The following MYOM1 variants were observed in gnomAD, a reference collection of about 807,000 sequenced individuals.
MYOM1 encodes myomesin-1.
MYOM1 carries 164 observed loss-of-function variants against 205.3 expected under a neutral mutation model. That is an observed-to-expected ratio of 0.80 (90% CI 0.70 to 0.91). MYOM1 has a LOEUF of 0.91. Among genes scored for constraint, MYOM1 ranks in the 40% least tolerant of loss-of-function variants. The pLI is 0.00. For synonymous variants in MYOM1, 772 were observed against 789.4 expected (o/e 0.98, Z 0.37); for missense variants, 2,011 against 2,127.3 (o/e 0.95, Z 1.08).
intron 23 of MYOM1, among the ~76,000 whole-genome samples, chr18:3,102,161 C>T (rs2143761224): frequency 6.6e-6 from 1 of 151,768 alleles, no homozygotes. Context: ...ACCACCACAC[C>T]CGGCTAATTT....
chr18:3,177,013 G>A (rs867097539), intron 5 of MYOM1, among the ~76,000 whole-genome samples: 3 of 152,186 alleles, frequency 2.0e-5, no homozygotes, highest in Admixed American at 1.3e-4. Flanking sequence ...TTGGGAGGCT[G>A]AAGTGGAAGA....
At chr18:3,070,242 G>GATTACA (rs1161913843) in intron 37 of MYOM1, among the ~76,000 whole-genome samples, 5 of 152,144 alleles carry the variant, frequency 3.3e-5, no homozygotes, top group African/African-American at 1.2e-4. Flanking sequence ...TTGACCTCCT[G>GATTACA]GGCTCAGGCG....
At chr18:3,234,739 T>C in the MYOM1 span, among the ~76,000 whole-genome samples, 46 of 152,262 alleles carry the variant, frequency 3.0e-4, no homozygotes, top group Non-Finnish European at 5.9e-4. Context: ...ACACTCCCTT[T>C]TTTTCTGGCA....
Position 3,149,198 on chromosome 18 carries a change from C to A in MYOM1, c.1847G>T (p.Arg616Leu), listed in dbSNP as rs183893490. 2 of 1,611,144 alleles carry A rather than the reference C, an allele frequency of 1.2e-6. No homozygotes were observed. Among genetic ancestry groups the A allele is most frequent in the South Asian group, 2.2e-5 (2 of 90,366 alleles). Reference sequence around the variant, plus strand: ...CTGTCCAGTCCAGGGTGCTGAGGGGCGACCTGAATAAAGACAAATATAAGA... The same window carrying A: ...CTGTCCAGTCCAGGGTGCTGAGGGGAGACCTGAATAAAGACAAATATAAGA... ...DPAEKARLKSRPSAPWTGQII... is the reference protein window; with the variant it reads ...DPAEKARLKSLPSAPWTGQII... The change falls in exon 13 of 38, where the codon CGC becomes CTC. Residue 616 changes from arginine to leucine, a missense_variant. Coordinates refer to ENST00000356443, the MANE Select transcript of MYOM1 (RefSeq NM_003803.4).
chr18:3,102,033 G>C (rs982545413), intron 23 of MYOM1, among the ~76,000 whole-genome samples: 1 of 127,682 alleles, frequency 7.8e-6, no homozygotes, highest in African/African-American at 3.1e-5. Flanking sequence ...ACAGAGTCTG[G>C]CTCTGTTGCC....
chr18:3,104,605 A>G (rs2079425727), intron 22 of MYOM1, among the ~76,000 whole-genome samples: 1 of 152,186 alleles, frequency 6.6e-6, no homozygotes, highest in South Asian at 2.1e-4. Flanking sequence ...AATGCTGTAG[A>G]TAACTTTTGT....
At position 3,083,869 on chromosome 18, in the gene MYOM1, G is replaced by C; in HGVS notation, c.4404C>G (p.Ile1468Met). ...GTTGGATGCCCTCGGCTGTGCTCTG[G>C]ATTTTCAGGTCTGTAGCAGACAAAG... ...KIALSATDLK[I>M]QSTAEGIQLY... is the part of the protein sequence containing the mutation. The change falls in exon 33 of 38, where the codon ATC becomes ATG. Residue 1468 changes from isoleucine to methionine, a missense_variant. Transcript: ENST00000356443. 1.3e-6 allele frequency: 2 copies of C among 1,582,940 alleles called. No homozygotes were observed. The highest frequency in any genetic ancestry group is 1.7e-6 in the Non-Finnish European group (2 of 1,163,112).
chr18:3,187,895 A>T (rs1313982221), intron 4 of MYOM1, among the ~76,000 whole-genome samples: 16 of 139,124 alleles, frequency 1.2e-4, no homozygotes, highest in African/African-American at 4.4e-4. Context: ...ACTGGAGTGC[A>T]CTGGTGCAAC....
At chr18:3,130,116 C>T (rs751797579) in intron 17 of MYOM1, among the ~76,000 whole-genome samples, 4 of 151,526 alleles carry the variant, frequency 2.6e-5, no homozygotes, top group Admixed American at 6.6e-5. Flanking sequence ...AATCTCGGCT[C>T]ACTGCAACCT....
chr18:3,116,302 G>T, intron 21 of MYOM1, 29 bp downstream of exon 21: 1 of 1,601,634 alleles, frequency 6.2e-7, no homozygotes, highest in East Asian at 2.2e-5. Context: ...AGTTAGTAGA[G>T]GAAGCTCTAG....
At chr18:3,146,785 G>T (rs2080128949) in intron 13 of MYOM1, among the ~76,000 whole-genome samples, 1 of 151,738 alleles carries the variant, frequency 6.6e-6, no homozygotes, top group Admixed American at 6.6e-5. Context: ...GAAAGAAAAA[G>T]AAATAAAAGG....
chr18:3,107,436 G>A (rs2079466735), intron 22 of MYOM1, among the ~76,000 whole-genome samples: 1 of 152,130 alleles, frequency 6.6e-6, no homozygotes, highest in Non-Finnish European at 1.5e-5. Flanking sequence ...AATTAAAACT[G>A]GCTAAGAGGA....
chr18:3,197,696 A>C lies in MYOM1; in HGVS notation c.291-3738T>G, dbSNP rs181651352. 3.5e-4 allele frequency among the ~76,000 whole-genome samples: 53 copies of C among 151,572 alleles called. No homozygotes were observed. In the East Asian group the frequency reaches 8.7e-3, roughly 25 times the overall value. On this transcript the variant is annotated intron_variant, in intron 2 of 37. Transcript: ENST00000356443. ...AGACCATCCTAGCTAACATGGTGAA[A>C]CCCCGTCTTTACTAAAAATACAAAA...
At chr18:3,089,490 G>T in intron 28 of MYOM1, 47 bp downstream of exon 28, 1 of 1,423,192 alleles carries the variant, frequency 7.0e-7, no homozygotes, top group Non-Finnish European at 9.7e-7. Flanking sequence ...GGAATCTTTT[G>T]TACAAAAAAA....
intron 29 of MYOM1, among the ~76,000 whole-genome samples, chr18:3,087,984 C>G (rs1010184786): frequency 6.6e-6 from 1 of 152,136 alleles, no homozygotes; most frequent in African/African-American, 2.4e-5. Context: ...AAGCGGGAGG[C>G]CTTCTAGAGA....
At chr18:3,129,900 CAA>C (rs2079850244) in intron 17 of MYOM1, among the ~76,000 whole-genome samples, 1 of 152,066 alleles carries the variant, frequency 6.6e-6, no homozygotes, top group African/African-American at 2.4e-5. Context: ...ATAAAGTGCA[CAA>C]GAGACATCAT....
At chr18:3,182,313 T>C (rs540481533) in intron 5 of MYOM1, among the ~76,000 whole-genome samples, 22 of 152,200 alleles carry the variant, frequency 1.4e-4, no homozygotes, top group Admixed American at 9.2e-4. Context: ...AGGGATAGCA[T>C]TGGGAGATAT....
chr18:3,206,439 G>A (rs935778845), intron 2 of MYOM1, among the ~76,000 whole-genome samples: 3 of 152,114 alleles, frequency 2.0e-5, no homozygotes, highest in East Asian at 3.9e-4. Flanking sequence ...CTGCTCCTCC[G>A]CAGGGCTTCA....
At chr18:3,164,801 C>T (rs893117490) in intron 9 of MYOM1, among the ~76,000 whole-genome samples, 8 of 152,122 alleles carry the variant, frequency 5.3e-5, no homozygotes, top group Admixed American at 1.3e-4. Context: ...TGCAAAAAAT[C>T]GTATTTTGGT....
Sources: allele counts gnomAD v4.1 joint callset (sites outside exome capture counted in the v4.1 genomes callset), GRCh38; gene constraint gnomAD v4.1.1; transcripts MANE v1.5; gene names NCBI Gene and HGNC (gene_info 2026-07-23, HGNC 2026-07-21).